LRRTM4: variants seen among roughly 807,000 people sequenced by gnomAD.
LRRTM4 encodes leucine-rich repeat transmembrane neuronal protein 4.
Under a neutral mutation model 47.6 loss-of-function variants are expected in LRRTM4, and 25 were observed. That is an observed-to-expected ratio of 0.53 (90% CI 0.38 to 0.73). LRRTM4 has a LOEUF of 0.73. Ranked by LOEUF, LRRTM4 falls within the 30% of genes least tolerant of loss-of-function variation. The pLI is 0.00. For synonymous variants in LRRTM4, 311 were observed against 269.5 expected, an observed-to-expected ratio of 1.15 and a Z score of -1.51; for missense variants, 638 against 713.4, an observed-to-expected ratio of 0.89 and a Z score of 1.20.
intron 3 of LRRTM4, among the ~76,000 whole-genome samples, chr2:77,029,278 G>C (rs545499986): frequency 9.2e-5 from 14 of 151,942 alleles, no homozygotes; most frequent in Non-Finnish European, 1.8e-4. Context: ...ATCACAAGAT[G>C]AAGTCCCACA....
intron 3 of LRRTM4, among the ~76,000 whole-genome samples, chr2:77,212,027 T>C (rs1051733163): frequency 6.6e-6 from 1 of 152,092 alleles, no homozygotes; most frequent in South Asian, 2.1e-4. Flanking sequence ...ATGTTATGCA[T>C]ATTGTGATGG....
intron 3 of LRRTM4, among the ~76,000 whole-genome samples, chr2:76,798,162 G>A (rs13383071): frequency 0.096 from 14,610 of 151,464 alleles, 2,022 homozygotes; most frequent in African/African-American, 0.3. Context: ...TTTCAGCACC[G>A]CACCACACCT....
At chr2:77,277,721 G>T (rs1676400671) in intron 3 of LRRTM4, among the ~76,000 whole-genome samples, 1 of 151,920 alleles carries the variant, frequency 6.6e-6, no homozygotes, top group Non-Finnish European at 1.5e-5. Flanking sequence ...TGAATTCTGT[G>T]AATATAGCTC....
intron 3 of LRRTM4, among the ~76,000 whole-genome samples, chr2:77,457,136 T>C (rs1367925025): frequency 6.7e-6 from 1 of 150,114 alleles, no homozygotes; most frequent in Non-Finnish European, 1.5e-5. Flanking sequence ...AAATACTAGT[T>C]ATAGGCTAAT....
At chr2:76,774,728 AAC>A (rs985397266) in intron 3 of LRRTM4, among the ~76,000 whole-genome samples, 7 of 152,150 alleles carry the variant, frequency 4.6e-5, no homozygotes, top group African/African-American at 9.7e-5. Flanking sequence ...ACTTTATGGA[AAC>A]ACATCATAAT....
intron 3 of LRRTM4, among the ~76,000 whole-genome samples, chr2:77,303,374 G>A (rs144960619): frequency 3.8e-4 from 58 of 152,082 alleles, no homozygotes; most frequent in Admixed American, 3.4e-3. Flanking sequence ...TGAAGCCAGC[G>A]GATTTTAGCA....
intron 3 of LRRTM4, among the ~76,000 whole-genome samples, chr2:77,131,548 T>C (rs1414006666): frequency 3.3e-5 from 5 of 152,186 alleles, no homozygotes; most frequent in African/African-American, 1.2e-4. Flanking sequence ...GTGTGTGTTA[T>C]CAGAACACAA....
chr2:77,409,931 C>T (rs13421857), intron 3 of LRRTM4, among the ~76,000 whole-genome samples: 11,630 of 152,180 alleles, frequency 0.076, 577 homozygotes, highest in African/African-American at 0.13. Flanking sequence ...CATCTCCCAA[C>T]AAGTAAACCT....
At chr2:77,327,047 A>C (rs1670802210) in intron 3 of LRRTM4, among the ~76,000 whole-genome samples, 1 of 152,104 alleles carries the variant, frequency 6.6e-6, no homozygotes, top group African/African-American at 2.4e-5. Context: ...TTTAATCTGG[A>C]GTTTTCTCTT....
At chr2:77,360,261 T>C (rs2104313146) in intron 3 of LRRTM4, among the ~76,000 whole-genome samples, 1 of 151,926 alleles carries the variant, frequency 6.6e-6, no homozygotes, top group South Asian at 2.1e-4. Flanking sequence ...ACAGAGACTA[T>C]CCTGGCTAAC....
intron 3 of LRRTM4, among the ~76,000 whole-genome samples, chr2:77,449,785 A>G (rs534807334): frequency 6.6e-6 from 1 of 152,314 alleles, no homozygotes; most frequent in Admixed American, 6.5e-5. Flanking sequence ...GTGTTGCTTC[A>G]ATGGATCAAT....
intron 3 of LRRTM4, among the ~76,000 whole-genome samples, chr2:77,345,819 C>CAT (rs919148577): frequency 1.7e-4 from 26 of 150,392 alleles, no homozygotes; most frequent in East Asian, 1.4e-3. Flanking sequence ...TGAGGAAAAA[C>CAT]ATATATATAT....
Position 77,322,826 on chromosome 2 carries a change from ACTCTCT to A in LRRTM4, c.1551+195486_1551+195491del, listed in dbSNP as rs61495510. 1.5e-3 allele frequency among the ~76,000 whole-genome samples: 195 copies of A among 133,222 alleles called. 1 individual carries two copies. Among genetic ancestry groups the A allele is most frequent in the Admixed American group, 5.2e-3 (65 of 12,592 alleles). 87.4% of individuals were successfully genotyped at this position (133,222 alleles called of 152,430 possible). A position where few individuals can be genotyped will look rare whatever the true frequency, so the allele number is the denominator to read the frequency against. ...GGGTTGGGATGTTGGAACTACATAA[ACTCTCT>A]CTCTCTCTCTCTCTCTCTTTCTTCC... On this transcript the variant is annotated intron_variant, in intron 3 of 3. Coordinates refer to ENST00000409884, the MANE Select transcript of LRRTM4 (RefSeq NM_001134745.3).
chr2:77,096,895 G>A (rs2103901564), intron 3 of LRRTM4, among the ~76,000 whole-genome samples: 1 of 151,846 alleles, frequency 6.6e-6, no homozygotes, highest in South Asian at 2.1e-4. Flanking sequence ...TAAGGTAATT[G>A]GATGAAACTC....
intron 3 of LRRTM4, among the ~76,000 whole-genome samples, chr2:77,091,252 C>T (rs562228384): frequency 4.7e-4 from 71 of 150,242 alleles, no homozygotes; most frequent in Admixed American, 4.7e-3. Flanking sequence ...TGTATCCCCC[C>T]ACCTTAACCC....
At chr2:76,946,375 T>C (rs1321635287) in intron 3 of LRRTM4, among the ~76,000 whole-genome samples, 2 of 151,882 alleles carry the variant, frequency 1.3e-5, no homozygotes, top group African/African-American at 4.8e-5. Context: ...ATTTGCACGA[T>C]TTTTATAACT....
rs181461780 is a variant in LRRTM4 at position 77,288,709 on chromosome 2, A to T, written c.1551+229609T>A. Among the ~76,000 whole-genome samples the T allele has an allele frequency of 1.7e-4, 26 of 152,212 alleles. No homozygotes were observed. In the East Asian group the frequency reaches 3.9e-3, roughly 23 times the overall value. On this transcript the variant is annotated intron_variant, in intron 3 of 3. Coordinates refer to ENST00000409884, the MANE Select transcript of LRRTM4 (RefSeq NM_001134745.3). Reference sequence around the variant, plus strand: ...CAGGCAGAATCTAATCTTTAGAAGAAACTTGAATAATACCTATGTAATGCT... The same window carrying T: ...CAGGCAGAATCTAATCTTTAGAAGATACTTGAATAATACCTATGTAATGCT...
intron 3 of LRRTM4, among the ~76,000 whole-genome samples, chr2:77,074,532 C>G (rs1288469533): frequency 6.6e-6 from 1 of 152,024 alleles, no homozygotes; most frequent in East Asian, 1.9e-4. Flanking sequence ...TACTCTATTT[C>G]TGGTGATGGA....
At chr2:77,349,778 T>C (rs1264333803) in intron 3 of LRRTM4, among the ~76,000 whole-genome samples, 1 of 152,208 alleles carries the variant, frequency 6.6e-6, no homozygotes, top group South Asian at 2.1e-4. Flanking sequence ...TTCCAGCATA[T>C]ATGAAAATGT....
Sources: gnomAD v4.1 joint callset for allele counts (sites outside exome capture counted in the v4.1 genomes callset) on GRCh38, gnomAD v4.1.1 for gene constraint, MANE v1.5 for transcripts, NCBI Gene and HGNC (gene_info 2026-07-23, HGNC 2026-07-21) for gene names.